LPAR1: variants seen among roughly 807,000 people sequenced by gnomAD.
LPAR1 encodes the protein lysophosphatidic acid receptor 1.
In LPAR1, 5 loss-of-function variants were observed where a neutral mutation model predicts 23.8. That is an observed-to-expected ratio of 0.21 (90% CI 0.11 to 0.44). The LOEUF (loss-of-function observed/expected upper bound fraction) is 0.44, where lower values mean the gene tolerates loss of function less well. LPAR1 is among the 20% of genes least tolerant of loss of function. The pLI is 0.99. For synonymous variants in LPAR1, 160 were observed against 164.7 expected, an observed-to-expected ratio of 0.97 and a Z score of 0.22; for missense variants, 311 against 482.8, an observed-to-expected ratio of 0.64 and a Z score of 3.33.
intron 2 of LPAR1, among the ~76,000 whole-genome samples, chr9:111,027,806 A>G (rs1323370049): frequency 6.6e-6 from 1 of 150,982 alleles, no homozygotes; most frequent in Non-Finnish European, 1.5e-5. Context: ...GGATAAGCTC[A>G]AAAATGGAGA....
At chr9:110,962,909 A>G (rs878855802) in intron 4 of LPAR1, among the ~76,000 whole-genome samples, 3 of 152,232 alleles carry the variant, frequency 2.0e-5, no homozygotes, top group Admixed American at 1.3e-4. Flanking sequence ...CCTGGACTCT[A>G]TGATTTTCTC....
chr9:110,941,749 G>A lies in LPAR1; in HGVS notation c.465C>T (p.Leu155=). Residue 155 remains leucine, a synonymous_variant, in exon 5 of 6, where the codon CTC becomes CTT. Transcript: ENST00000683809. The surrounding 1 kb of genome is among the most constrained non-coding windows in gnomAD (Gnocchi z 6.1). ...CCCGCCGGTTGCTCATCCGTGTGTG[G>A]AGCTGCATGCGGAAAACCGTAATGT... ...ERHITVFRMQ[L]HTRMSNRRVV... is the part of the protein sequence containing the mutation. The A allele has an allele frequency of 1.2e-6, 2 of 1,614,194 alleles. No homozygotes were observed. The highest frequency in any genetic ancestry group is 8.5e-7 in the Non-Finnish European group (1 of 1,180,014).
intron 2 of LPAR1, among the ~76,000 whole-genome samples, chr9:111,001,264 A>G (rs1356160582): frequency 6.6e-6 from 1 of 152,370 alleles, no homozygotes; most frequent in Non-Finnish European, 1.5e-5. Context: ...TCAAAGTCCA[A>G]GGAAGTCTAT....
chr9:110,891,922 C>A (rs2084300262), intron 5 of LPAR1, among the ~76,000 whole-genome samples: 1 of 152,170 alleles, frequency 6.6e-6, no homozygotes, highest in South Asian at 2.1e-4. Flanking sequence ...GGAACTGAAA[C>A]TTTCATCACT....
intron 5 of LPAR1, among the ~76,000 whole-genome samples, chr9:110,890,266 C>CA (rs1372981154): frequency 6.6e-6 from 1 of 152,024 alleles, no homozygotes; most frequent in East Asian, 1.9e-4. Context: ...ATACCCAAAA[C>CA]AAAAAACATA....
chr9:110,988,540 A>G (rs1564265052), intron 2 of LPAR1, among the ~76,000 whole-genome samples: 1 of 152,154 alleles, frequency 6.6e-6, no homozygotes, highest in Non-Finnish European at 1.5e-5. Context: ...GCTAACAAGA[A>G]TATGAAAAGA....
intron 5 of LPAR1, among the ~76,000 whole-genome samples, chr9:110,915,441 G>A (rs933538804): frequency 1.2e-4 from 18 of 152,284 alleles, no homozygotes; most frequent in African/African-American, 3.6e-4. Context: ...GAAGGCTGAT[G>A]CAGAAGCAGA....
chr9:110,934,463 C>A (rs1360498589), intron 5 of LPAR1: 1 of 152,158 alleles, frequency 6.6e-6, no homozygotes, highest in East Asian at 1.9e-4. Flanking sequence ...TTACAGATTT[C>A]TTTGTTCTTT....
intron 5 of LPAR1, among the ~76,000 whole-genome samples, chr9:110,883,195 A>G (rs1039823771): frequency 1.3e-5 from 2 of 152,084 alleles, no homozygotes; most frequent in Non-Finnish European, 2.9e-5. Context: ...GCACGCCACC[A>G]TGCCTAATTT....
intron 2 of LPAR1, chr9:110,999,479 C>G (rs1283020460): frequency 2.2e-6 from 1 of 455,422 alleles, no homozygotes; most frequent in Admixed American, 2.4e-5. Context: ...AACAACCAGA[C>G]AGCTATCCAC....
chr9:110,898,416 T>C (rs2087260216), intron 5 of LPAR1, among the ~76,000 whole-genome samples: 2 of 152,218 alleles, frequency 1.3e-5, no homozygotes, highest in South Asian at 4.1e-4. Flanking sequence ...ATCTAACTTT[T>C]GTACTAGTAT....
At chr9:111,005,140 T>G (rs889947528) in intron 2 of LPAR1, among the ~76,000 whole-genome samples, 8 of 113,532 alleles carry the variant, frequency 7.0e-5, no homozygotes, top group South Asian at 5.2e-4. Context: ...CTAGCCTGGG[T>G]GACAAAGTCT....
intron 2 of LPAR1, among the ~76,000 whole-genome samples, chr9:111,009,598 G>T (rs771057127): frequency 6.6e-6 from 1 of 151,778 alleles, no homozygotes; most frequent in African/African-American, 2.4e-5. Flanking sequence ...TCCATTTTTT[G>T]TTTACATTTT....
chr9:110,914,399 G>A (rs758822624), intron 5 of LPAR1, among the ~76,000 whole-genome samples: 6 of 152,168 alleles, frequency 3.9e-5, no homozygotes, highest in Non-Finnish European at 7.4e-5. Flanking sequence ...CCAAGTGAAA[G>A]GGGTTTCCCC....
intron 2 of LPAR1, among the ~76,000 whole-genome samples, chr9:110,995,804 A>G (rs1310432823): frequency 6.6e-6 from 1 of 152,218 alleles, no homozygotes; most frequent in Non-Finnish European, 1.5e-5. Context: ...TTTAGTAACT[A>G]TGAAAATCAC....
intron 5 of LPAR1, among the ~76,000 whole-genome samples, chr9:110,930,383 C>T (rs367909679): frequency 6.6e-6 from 1 of 151,890 alleles, no homozygotes; most frequent in African/African-American, 2.4e-5. Context: ...GGTGTGGTGG[C>T]CTGTAATCCC....
At chr9:110,957,564 C>T (rs2095805267) in intron 4 of LPAR1, among the ~76,000 whole-genome samples, 1 of 152,066 alleles carries the variant, frequency 6.6e-6, no homozygotes, top group African/African-American at 2.4e-5. Flanking sequence ...TCTCAGCAAA[C>T]TAGGCATAAA....
chr9:110,979,338 T>C (rs1166617226), intron 2 of LPAR1, among the ~76,000 whole-genome samples: 2 of 145,306 alleles, frequency 1.4e-5, no homozygotes, highest in Non-Finnish European at 3.0e-5. Context: ...ACAGTAAAAA[T>C]GAGAAGGCTA....
intron 2 of LPAR1, among the ~76,000 whole-genome samples, chr9:111,015,313 C>T (rs2097421389): frequency 6.6e-6 from 1 of 152,134 alleles, no homozygotes; most frequent in Non-Finnish European, 1.5e-5. Context: ...TTCACTATCA[C>T]TCCTCCCCCT....
Sources: gnomAD v4.1 joint callset for allele counts (sites outside exome capture counted in the v4.1 genomes callset) on GRCh38, gnomAD v4.1.1 for gene constraint, Gnocchi (gnomAD v3.1) non-coding constraint, MANE v1.5 for transcripts, NCBI Gene and HGNC (gene_info 2026-07-23, HGNC 2026-07-21) for gene names.